The following PPP2R3A variants were observed in gnomAD, a reference collection of about 807,000 sequenced individuals.
The protein encoded by PPP2R3A is protein phosphatase 2 regulatory subunit B''alpha.
PPP2R3A carries 80 observed loss-of-function variants against 106.9 expected under a neutral mutation model. The ratio of observed to expected loss-of-function variants is 0.75; its 90% CI spans 0.62 to 0.90. PPP2R3A has a LOEUF of 0.90. PPP2R3A is among the 40% of genes least tolerant of loss of function. The pLI, the probability that PPP2R3A is intolerant of heterozygous loss-of-function variation, is 0.00. For synonymous variants in PPP2R3A, 483 were observed against 468.3 expected, an observed-to-expected ratio of 1.03 and a Z score of -0.41; for missense variants, 1,386 against 1,350.4, an observed-to-expected ratio of 1.03 and a Z score of -0.41.
chr3:136,064,959 TG>T, intron 5 of PPP2R3A, among the ~76,000 whole-genome samples: 1 of 152,114 alleles, frequency 6.6e-6, no homozygotes, highest in South Asian at 2.1e-4. Context: ...TAGAACAGTA[TG>T]AAAAAAACCT....
intron 13 of PPP2R3A, among the ~76,000 whole-genome samples, chr3:136,116,963 T>C (rs773792938): frequency 6.6e-6 from 1 of 152,190 alleles, no homozygotes; most frequent in Non-Finnish European, 1.5e-5. Flanking sequence ...TCGCACTTAT[T>C]CTACAATTGA....
In PPP2R3A at chr3:136,023,215, G is replaced by GTGTTTTGTTTTGTTTTGTTTTGTTT. The variant is rs3830602; in HGVS notation, c.1996-3609_1996-3585dup. 8 of 1,505,816 alleles carry GTGTTTTGTTTTGTTTTGTTTTGTTT rather than the reference G, an allele frequency of 5.3e-6. No homozygotes were observed. The African/African-American group carries it at 1.2e-4, about 22-fold the overall frequency. 93.3% of individuals were successfully genotyped at this position (1,505,816 alleles called of 1,614,324 possible). On this transcript the variant is annotated intron_variant, in intron 2 of 13. Transcript: ENST00000264977. ...CAGCAGACACAGGTTTGAAATTTGG[G>GTGTTTTGTTTTGTTTTGTTTTGTTT]TGTTTTGTTTTGTTTTGTTTTGTTT...
chr3:136,101,691 G>T (rs548191398), intron 10 of PPP2R3A, among the ~76,000 whole-genome samples: 1 of 152,282 alleles, frequency 6.6e-6, no homozygotes, highest in East Asian at 1.9e-4. Context: ...CTCCCAAAGT[G>T]CTGGGATTAC....
intron 6 of PPP2R3A, among the ~76,000 whole-genome samples, chr3:136,072,209 C>G (rs1936455932): frequency 6.6e-6 from 1 of 152,132 alleles, no homozygotes; most frequent in Non-Finnish European, 1.5e-5. Context: ...CAAGCAGGAA[C>G]TTTGTCTATG....
chr3:136,077,911 C>G (rs750111396), intron 6 of PPP2R3A, among the ~76,000 whole-genome samples: 1 of 152,178 alleles, frequency 6.6e-6, no homozygotes, highest in African/African-American at 2.4e-5. Flanking sequence ...CTTCAAGACT[C>G]AAGTGAATAA....
At chr3:136,049,773 C>G (rs556725854) in intron 5 of PPP2R3A, among the ~76,000 whole-genome samples, 6 of 152,302 alleles carry the variant, frequency 3.9e-5, no homozygotes, top group Non-Finnish European at 8.8e-5. Flanking sequence ...ATGATGTAAC[C>G]AGGATCACTC....
At chr3:136,107,307 TAA>T (rs1219659603) in intron 13 of PPP2R3A, among the ~76,000 whole-genome samples, 1 of 152,010 alleles carries the variant, frequency 6.6e-6, no homozygotes, top group Non-Finnish European at 1.5e-5. Context: ...AAAGAAATAG[TAA>T]AAAGTTTCCT....
chr3:135,991,697 C>A (rs1203384893), intron 1 of PPP2R3A, among the ~76,000 whole-genome samples: 1 of 152,140 alleles, frequency 6.6e-6, no homozygotes, highest in African/African-American at 2.4e-5. Context: ...CATTTTTCAT[C>A]CTGTTTTTCC....
At chr3:136,108,503 T>C (rs1179509179) in intron 13 of PPP2R3A, among the ~76,000 whole-genome samples, 3 of 152,136 alleles carry the variant, frequency 2.0e-5, no homozygotes, top group Non-Finnish European at 4.4e-5. Flanking sequence ...TTATGTGTTT[T>C]AGACAAAAGA....
chr3:136,015,387 G>T (rs1934234054), intron 2 of PPP2R3A, among the ~76,000 whole-genome samples: 1 of 152,078 alleles, frequency 6.6e-6, no homozygotes, highest in African/African-American at 2.4e-5. Flanking sequence ...GTTTCAATAG[G>T]ATTGGTACCA....
Position 136,090,650 on chromosome 3 carries a change from C to T in PPP2R3A, c.2910C>T (p.Asp970=). ...TTTGGTTTTTGATCTCTGAAGAAGACAAAAGGAATCCTACCAGGTATGATT... is the reference window on the plus strand; with the variant it reads ...TTTGGTTTTTGATCTCTGAAGAAGATAAAAGGAATCCTACCAGGTATGATT... The part of the protein sequence containing the change: ...DFVWFLISEE[D]KRNPTSIEYW... The change falls in exon 10 of 14, where the codon GAC becomes GAT. Residue 970 remains aspartate (D), a synonymous_variant. Coordinates refer to ENST00000264977, the MANE Select transcript of PPP2R3A (RefSeq NM_002718.5). 1.6e-5 allele frequency: 26 copies of T among 1,612,212 alleles called. No homozygotes were observed. The highest frequency in any genetic ancestry group is 2.2e-5 in the Non-Finnish European group (26 of 1,178,618).
chr3:136,004,881 T>C (rs1933788840), intron 2 of PPP2R3A, among the ~76,000 whole-genome samples: 1 of 152,220 alleles, frequency 6.6e-6, no homozygotes, highest in Admixed American at 6.5e-5. Context: ...TATTACGTAG[T>C]AATTTTTTAA....
At chr3:135,989,314 T>C (rs966637075) in intron 1 of PPP2R3A, among the ~76,000 whole-genome samples, 2 of 152,068 alleles carry the variant, frequency 1.3e-5, no homozygotes, top group African/African-American at 4.8e-5. Context: ...TATTAGAGCA[T>C]AGTTTGGGAG....
At chr3:136,100,134 T>G (rs1576502388) in intron 10 of PPP2R3A, among the ~76,000 whole-genome samples, 1 of 152,032 alleles carries the variant, frequency 6.6e-6, no homozygotes, top group African/African-American at 2.4e-5. Flanking sequence ...ACAAAATGGG[T>G]TACAGTCAAA....
intron 1 of PPP2R3A, among the ~76,000 whole-genome samples, chr3:135,982,488 G>GT (rs1576409821): frequency 6.6e-6 from 1 of 152,120 alleles, no homozygotes; most frequent in East Asian, 1.9e-4. Context: ...AGCAGGGTGG[G>GT]TTGCTGTCCT....
chr3:136,023,176 G>C, intron 2 of PPP2R3A: 1 of 1,613,046 alleles, frequency 6.2e-7, no homozygotes, highest in Non-Finnish European at 8.5e-7. Flanking sequence ...TTTAAGAAGC[G>C]GCTGAAGTCA....
intron 2 of PPP2R3A, among the ~76,000 whole-genome samples, chr3:136,012,117 T>C (rs1444002253): frequency 6.6e-6 from 1 of 152,182 alleles, no homozygotes; most frequent in African/African-American, 2.4e-5. Context: ...TTCATTTCTT[T>C]TTTCTCCAAC....
chr3:135,971,276 G>T (rs1937238831), intron 1 of PPP2R3A, among the ~76,000 whole-genome samples: 1 of 152,156 alleles, frequency 6.6e-6, no homozygotes, highest in Admixed American at 6.5e-5. Context: ...TCAGAAAGAA[G>T]AAAGCACTGA....
chr3:136,108,834 A>C (rs890427284), intron 13 of PPP2R3A, among the ~76,000 whole-genome samples: 10 of 152,202 alleles, frequency 6.6e-5, no homozygotes, highest in African/African-American at 2.4e-4. Flanking sequence ...CAGAGAAAGA[A>C]GCTCTATACC....
Sources: gnomAD v4.1 joint callset for allele counts (sites outside exome capture counted in the v4.1 genomes callset) on GRCh38, gnomAD v4.1.1 for gene constraint, MANE v1.5 for transcripts, NCBI Gene and HGNC (gene_info 2026-07-23, HGNC 2026-07-21) for gene names.